The following OSBPL8 variants were observed in gnomAD, a reference collection of about 807,000 sequenced individuals.
The protein encoded by OSBPL8 is oxysterol-binding protein-related protein 8.
Under a neutral mutation model 125.5 loss-of-function variants are expected in OSBPL8, and 59 were observed. The observed-to-expected ratio is 0.47, with a 90% CI of 0.38 to 0.58. The LOEUF (loss-of-function observed/expected upper bound fraction) is 0.58, where lower values mean the gene tolerates loss of function less well. Ranked by LOEUF, OSBPL8 falls within the 20% of genes least tolerant of loss-of-function variation. The pLI, the probability that OSBPL8 is intolerant of heterozygous loss-of-function variation, is 0.00. For missense variants in OSBPL8, 758 were observed against 1,047.8 expected (o/e 0.72, Z 3.82); for synonymous variants, 330 against 338.9 (o/e 0.97, Z 0.29).
rs150098189 is a variant in OSBPL8 at position 76,424,075 on chromosome 12, G to A, written c.218-13441C>T. Among the ~76,000 whole-genome samples, 661 of 151,922 alleles carry A rather than the reference G, an allele frequency of 4.4e-3. 11 individuals carry two copies. Among genetic ancestry groups the A allele is most frequent in the Admixed American group, 0.03 (458 of 15,258 alleles). On this transcript the variant is annotated intron_variant, in intron 4 of 23. Transcript: ENST00000261183. ...GAGTGCAGTGGCAAAATCTCAGCTC[G>A]CTGCCACCTCTACCTCTCGGGTTCA...
chr12:76,465,878 C>T (rs915967878), intron 2 of OSBPL8, among the ~76,000 whole-genome samples: 5 of 151,876 alleles, frequency 3.3e-5, no homozygotes, highest in African/African-American at 4.8e-5. Flanking sequence ...TGGTGGTACA[C>T]GCCTGTAATC....
At chr12:76,389,001 C>T (rs1336498343) in intron 12 of OSBPL8, among the ~76,000 whole-genome samples, 1 of 152,104 alleles carries the variant, frequency 6.6e-6, no homozygotes, top group East Asian at 1.9e-4. Flanking sequence ...GGAATAGGGG[C>T]ATCAGGTAAG....
chr12:76,386,120 C>A, intron 14 of OSBPL8, 48 bp downstream of exon 14: 2 of 1,564,856 alleles, frequency 1.3e-6, no homozygotes, highest in South Asian at 1.2e-5. Flanking sequence ...TAAAAATATT[C>A]CAATAACTTC....
At position 76,462,629 on chromosome 12, in the gene OSBPL8, T is replaced by C. The variant is rs185973768; in HGVS notation, c.43-2734A>G. Among the ~76,000 whole-genome samples, 21 of 152,178 alleles carry C rather than the reference T, an allele frequency of 1.4e-4. No individual in the cohort carries two copies. In the East Asian group the frequency reaches 3.9e-3, roughly 28 times the overall value. ...GAACATTAACATAAAAAATGTTAAG[T>C]AAAAATTCATGGTATAATATATAGC... is the stretch of plus-strand genomic sequence containing the variant. On this transcript the variant is annotated intron_variant, in intron 2 of 23. Coordinates refer to ENST00000261183, the MANE Select transcript of OSBPL8 (RefSeq NM_020841.5).
chr12:76,536,333 T>C (rs1950496698), intron 1 of OSBPL8, among the ~76,000 whole-genome samples: 1 of 151,264 alleles, frequency 6.6e-6, no homozygotes, highest in African/African-American at 2.4e-5. Flanking sequence ...AAATACTAAA[T>C]ACTAAAATAC....
At chr12:76,381,734 T>C (rs918601546) in intron 15 of OSBPL8, among the ~76,000 whole-genome samples, 1 of 152,088 alleles carries the variant, frequency 6.6e-6, no homozygotes, top group African/African-American at 2.4e-5. Flanking sequence ...TACTTTCTTT[T>C]TTTTTTTTTC....
At chr12:76,536,675 G>A (rs1319154521) in intron 1 of OSBPL8, among the ~76,000 whole-genome samples, 1 of 152,080 alleles carries the variant, frequency 6.6e-6, no homozygotes, top group East Asian at 1.9e-4. Context: ...AAGAGAAAAG[G>A]AAATGGGTGG....
At chr12:76,514,523 C>T (rs1402866550) in intron 1 of OSBPL8, among the ~76,000 whole-genome samples, 1 of 152,150 alleles carries the variant, frequency 6.6e-6, no homozygotes, top group Non-Finnish European at 1.5e-5. Flanking sequence ...TGTAGGGTTT[C>T]AGCTGAGAGA....
At chr12:76,541,782 G>A (rs1950651559) in intron 1 of OSBPL8, among the ~76,000 whole-genome samples, 1 of 151,668 alleles carries the variant, frequency 6.6e-6, no homozygotes, top group Admixed American at 6.6e-5. Context: ...TTTGAACCCG[G>A]GAGGTGGAGG....
intron 5 of OSBPL8, among the ~76,000 whole-genome samples, chr12:76,403,366 T>C (rs547026896): frequency 6.6e-6 from 1 of 152,224 alleles, no homozygotes; most frequent in African/African-American, 2.4e-5. Flanking sequence ...CAGTTTACAC[T>C]TCACATTTTT....
At chr12:76,377,577 GTGTC>G (rs1952877060) in intron 16 of OSBPL8, among the ~76,000 whole-genome samples, 1 of 152,076 alleles carries the variant, frequency 6.6e-6, no homozygotes, top group South Asian at 2.1e-4. Flanking sequence ...CTTTTGAAAA[GTGTC>G]TGTTCGTATC....
chr12:76,465,121 T>G (rs1875246038), intron 2 of OSBPL8, among the ~76,000 whole-genome samples: 1 of 152,206 alleles, frequency 6.6e-6, no homozygotes, highest in Non-Finnish European at 1.5e-5. Context: ...AAAGGAGTAT[T>G]TGTCTCGGAA....
chr12:76,427,475 G>A (rs1420258356), intron 4 of OSBPL8, among the ~76,000 whole-genome samples: 1 of 151,406 alleles, frequency 6.6e-6, no homozygotes, highest in Non-Finnish European at 1.5e-5. Flanking sequence ...ATAATCTGAA[G>A]ACAAGATGTA....
chr12:76,486,078 T>G (rs1385110691), intron 2 of OSBPL8: 1 of 414,460 alleles, frequency 2.4e-6, no homozygotes, highest in Non-Finnish European at 4.8e-6. Flanking sequence ...GCCTTCTTCA[T>G]AAGCCAAGAA....
intron 4 of OSBPL8, among the ~76,000 whole-genome samples, chr12:76,430,598 TAAAG>T (rs1216084050): frequency 1.3e-5 from 2 of 152,182 alleles, no homozygotes; most frequent in Non-Finnish European, 2.9e-5. Flanking sequence ...ATGATTTTCT[TAAAG>T]AAGCTGAATG....
At chr12:76,391,312 C>T (rs1953545845) in intron 10 of OSBPL8, among the ~76,000 whole-genome samples, 1 of 151,930 alleles carries the variant, frequency 6.6e-6, no homozygotes, top group Non-Finnish European at 1.5e-5. Context: ...CTTAATCTAC[C>T]CTATTCTCAC....
chr12:76,355,090 A>C lies in OSBPL8; in HGVS notation c.*799T>G, dbSNP rs1951934127. The C allele has an allele frequency of 6.6e-6, 1 of 152,526 alleles. No individual in the cohort carries two copies. Among genetic ancestry groups the C allele is most frequent in the South Asian group, 2.1e-4 (1 of 4,836 alleles). 9.4% of individuals were successfully genotyped at this position (152,526 alleles called of 1,614,324 possible). ...ATGAACCAGCTGACTTAAGAAAAAC[A>C]AAAATAAGACAAAAGGACAGCAATC... On this transcript the variant is annotated 3_prime_UTR_variant, in exon 24 of 24. Coordinates refer to ENST00000261183, the MANE Select transcript of OSBPL8 (RefSeq NM_020841.5).
intron 1 of OSBPL8, among the ~76,000 whole-genome samples, chr12:76,507,404 A>G (rs975318391): frequency 4.0e-5 from 6 of 151,794 alleles, no homozygotes; most frequent in African/African-American, 1.5e-4. Flanking sequence ...TCAGTAATGA[A>G]TAGTGGCTTT....
intron 1 of OSBPL8, among the ~76,000 whole-genome samples, chr12:76,530,437 CTTT>C (rs1319133703): frequency 6.6e-6 from 1 of 152,054 alleles, no homozygotes; most frequent in Non-Finnish European, 1.5e-5. Flanking sequence ...TTGCAGGTTT[CTTT>C]GTTTAAATGC....
Sources: allele counts gnomAD v4.1 joint callset (sites outside exome capture counted in the v4.1 genomes callset), GRCh38; gene constraint gnomAD v4.1.1; transcripts MANE v1.5; gene names NCBI Gene and HGNC (gene_info 2026-07-23, HGNC 2026-07-21).